The following IL16 variants were observed in gnomAD, a reference collection of about 807,000 sequenced individuals.
The protein encoded by IL16 is interleukin 16.
Under a neutral mutation model 110.1 loss-of-function variants are expected in IL16, and 67 were observed. That is an observed-to-expected ratio of 0.61 (90% confidence interval 0.50 to 0.75). The LOEUF is 0.75. IL16 is among the 30% of genes least tolerant of loss of function. The probability of loss-of-function intolerance (pLI) is 0.00; values close to 1 mark genes in which losing one functional copy is unlikely to be tolerated. For synonymous variants in IL16, 689 were observed against 662.9 expected (o/e 1.04, Z -0.61); for missense variants, 1,545 against 1,655.0 (o/e 0.93, Z 1.15).
chr15:81,250,757 C>T (rs544410577), intron 2 of IL16, among the ~76,000 whole-genome samples: 1 of 152,306 alleles, frequency 6.6e-6, no homozygotes, highest in Admixed American at 6.5e-5. Context: ...AATGATTATT[C>T]CTCTGGGGGG....
At chr15:81,187,747 C>G (rs560954885) in intron 1 of IL16, among the ~76,000 whole-genome samples, 1 of 152,174 alleles carries the variant, frequency 6.6e-6, no homozygotes, top group Non-Finnish European at 1.5e-5. Flanking sequence ...CTCCTTTGAC[C>G]GTGGGGGCAG....
At chr15:81,191,805 T>C (rs571915712) in intron 1 of IL16, among the ~76,000 whole-genome samples, 2 of 152,252 alleles carry the variant, frequency 1.3e-5, no homozygotes, top group African/African-American at 4.8e-5. Context: ...GACAAGGGCA[T>C]GGCTTATTCA....
intron 3 of IL16, among the ~76,000 whole-genome samples, chr15:81,265,045 T>C (rs1223654214): frequency 6.6e-6 from 1 of 152,164 alleles, no homozygotes; most frequent in Non-Finnish European, 1.5e-5. Flanking sequence ...CTGGATGTGG[T>C]AGGGTAGGGA....
chr15:81,241,693 G>T (rs28648707), intron 2 of IL16, among the ~76,000 whole-genome samples: 1 of 151,768 alleles, frequency 6.6e-6, no homozygotes, highest in Non-Finnish European at 1.5e-5. Context: ...ATACAGAGAA[G>T]TCTGTGTATA....
At chr15:81,289,687 ATT>A (rs1899617958) in intron 10 of IL16, among the ~76,000 whole-genome samples, 1 of 152,158 alleles carries the variant, frequency 6.6e-6, no homozygotes, top group East Asian at 1.9e-4. Context: ...CAACTCAACT[ATT>A]TATCTGAAAT....
chr15:81,267,720 T>A (rs1898454314), intron 4 of IL16, among the ~76,000 whole-genome samples: 1 of 152,166 alleles, frequency 6.6e-6, no homozygotes, highest in African/African-American at 2.4e-5. Context: ...AAGGGCTGAT[T>A]TTTCAGTTGG....
At chr15:81,306,612 C>T (rs919561923) in intron 18 of IL16, 67 bp downstream of exon 18, 43 of 1,584,982 alleles carry the variant, frequency 2.7e-5, no homozygotes, top group Middle Eastern at 3.3e-4. Flanking sequence ...CCCCAAAAGG[C>T]TTCTGGGCAC....
chr15:81,185,292 A>G (rs946461891), intron 1 of IL16, among the ~76,000 whole-genome samples: 1 of 152,042 alleles, frequency 6.6e-6, no homozygotes, highest in Non-Finnish European at 1.5e-5. Flanking sequence ...TTACTTTTCA[A>G]TATACAAAGA....
At chr15:81,272,502 A>C (rs1303940387) in intron 5 of IL16, among the ~76,000 whole-genome samples, 4 of 152,176 alleles carry the variant, frequency 2.6e-5, no homozygotes, top group Non-Finnish European at 5.9e-5. Flanking sequence ...TTGTTGGCTC[A>C]TGGGAATCAC....
intron 18 of IL16, chr15:81,306,815 G>C: frequency 2.1e-6 from 1 of 486,932 alleles, no homozygotes; most frequent in Non-Finnish European, 3.8e-6. Flanking sequence ...CAGGACTCTA[G>C]AGTGGGGCAG....
At position 81,241,810 on chromosome 15, in the gene IL16, G is replaced by A. The variant is rs1595984448; in HGVS notation, c.312+16099G>A. ...TTCCATCATCGCAAGGTTCCCTCAT[G>A]TTACCTTTATATAGCCACAGTCACT... On this transcript the variant is annotated intron_variant, in intron 2 of 18. Coordinates refer to ENST00000683961, the MANE Select transcript of IL16 (RefSeq NM_172217.5). Among the ~76,000 whole-genome samples the A allele has an allele frequency of 2.0e-5, 3 of 152,020 alleles. No homozygotes were observed. The East Asian group carries it at 5.8e-4, about 29-fold the overall frequency.
At chr15:81,188,464 TA>T (rs1206662267) in intron 1 of IL16, 1 of 455,290 alleles carries the variant, frequency 2.2e-6, no homozygotes, top group East Asian at 6.9e-5. Context: ...AGTCTTATAA[TA>T]ACCCATTTTA....
At chr15:81,188,000 C>G (rs746229975) in intron 1 of IL16, among the ~76,000 whole-genome samples, 5 of 152,018 alleles carry the variant, frequency 3.3e-5, no homozygotes, top group Non-Finnish European at 5.9e-5. Flanking sequence ...GAGCAGGGGC[C>G]CCATGGGTGG....
chr15:81,232,039 C>CTTTTTTTTTTT (rs1555415624), intron 2 of IL16, among the ~76,000 whole-genome samples: 2 of 46,896 alleles, frequency 4.3e-5, no homozygotes, highest in Non-Finnish European at 1.1e-4. Context: ...CACATTTGTT[C>CTTTTTTTTTTT]TTGTTTTTTT....
intron 7 of IL16, 71 bp downstream of exon 7, chr15:81,278,961 C>A: frequency 1.0e-6 from 1 of 995,198 alleles, no homozygotes. Context: ...TCTCAGCATC[C>A]AAACCTACAA....
At chr15:81,278,961 C>T in intron 7 of IL16, 71 bp downstream of exon 7, 2 of 995,202 alleles carry the variant, frequency 2.0e-6, no homozygotes, top group South Asian at 1.3e-5. Flanking sequence ...TCTCAGCATC[C>T]AAACCTACAA....
At chr15:81,307,438 C>A (rs1900628655) in intron 18 of IL16, among the ~76,000 whole-genome samples, 1 of 152,216 alleles carries the variant, frequency 6.6e-6, no homozygotes, top group South Asian at 2.1e-4. Context: ...CTGCTGCTGA[C>A]TGGTTTCGTT....
intron 2 of IL16, among the ~76,000 whole-genome samples, chr15:81,245,853 T>C (rs920424401): frequency 2.0e-5 from 3 of 150,626 alleles, no homozygotes; most frequent in African/African-American, 7.4e-5. Flanking sequence ...GTACCAAGGT[T>C]CCTATCTGAT....
Position 81,229,451 on chromosome 15 carries a change from A to G in IL16, c.312+3740A>G, listed in dbSNP as rs541801247. 4.4e-3 allele frequency among the ~76,000 whole-genome samples: 664 copies of G among 152,146 alleles called. 4 individuals are homozygous for G. Among genetic ancestry groups the G allele is most frequent in the African/African-American group, 0.015 (640 of 41,478 alleles). On this transcript the variant is annotated intron_variant, in intron 2 of 18. Transcript: ENST00000683961. Reference sequence around the variant, plus strand: ...GCTGGGGGTGGCAGAAGAGGTGATGAGCACAGTGGAGTCAAGTTTGAGGCA... The same window carrying G: ...GCTGGGGGTGGCAGAAGAGGTGATGGGCACAGTGGAGTCAAGTTTGAGGCA...
Sources: gnomAD v4.1 joint callset for allele counts (sites outside exome capture counted in the v4.1 genomes callset) on GRCh38, gnomAD v4.1.1 for gene constraint, MANE v1.5 for transcripts, NCBI Gene and HGNC (gene_info 2026-07-23, HGNC 2026-07-21) for gene names.